The following NOL4 variants were observed in gnomAD, a reference collection of about 807,000 sequenced individuals.
NOL4 encodes cancer/testis antigen 125.
Under a neutral mutation model 75.9 loss-of-function variants are expected in NOL4, and 17 were observed. The ratio of observed to expected loss-of-function variants is 0.22; its 90% CI spans 0.15 to 0.34. The LOEUF (loss-of-function observed/expected upper bound fraction) is 0.34, where lower values mean the gene tolerates loss of function less well. Among genes scored for constraint, NOL4 ranks in the 10% least tolerant of loss-of-function variants. The pLI is 1.00. For missense variants in NOL4, 614 were observed against 793.5 expected (o/e 0.77, Z 2.72); for synonymous variants, 292 against 289.9 (o/e 1.01, Z -0.07).
At chr18:33,916,807 CT>C (rs1394371909) in intron 9 of NOL4, among the ~76,000 whole-genome samples, 1 of 152,108 alleles carries the variant, frequency 6.6e-6, no homozygotes, top group African/African-American at 2.4e-5. Context: ...AACATTCAAA[CT>C]TGTTTTTTAA....
At chr18:33,909,206 C>A (rs1272267655) in intron 9 of NOL4, among the ~76,000 whole-genome samples, 1 of 152,012 alleles carries the variant, frequency 6.6e-6, no homozygotes, top group African/African-American at 2.4e-5. Context: ...ATATATTACT[C>A]CACCTCATGT....
intron 9 of NOL4, among the ~76,000 whole-genome samples, chr18:33,906,552 G>A (rs1342052616): frequency 6.6e-6 from 1 of 152,192 alleles, no homozygotes; most frequent in African/African-American, 2.4e-5. Flanking sequence ...ACTAGGCCAT[G>A]TAAAATGACC....
At chr18:34,122,722 C>T (rs933350728) in intron 2 of NOL4, among the ~76,000 whole-genome samples, 1 of 152,268 alleles carries the variant, frequency 6.6e-6, no homozygotes, top group African/African-American at 2.4e-5. Flanking sequence ...TCTCCCATGT[C>T]TTACATCTCC....
chr18:33,909,152 T>C (rs1470635539), intron 9 of NOL4, among the ~76,000 whole-genome samples: 1 of 152,154 alleles, frequency 6.6e-6, no homozygotes, highest in Non-Finnish European at 1.5e-5. Context: ...TTAACACTAC[T>C]TGGATTTGGA....
rs1261546835 is a variant in NOL4 at position 34,203,717 on chromosome 18, T to TCTCTCTCACACACA, written c.264+19272_264+19273insTGTGTGTGAGAGAG. ...CTCTCTCTCTCTCTCTCTCTCTCTC[T>TCTCTCTCACACACA]CACACACACACACACACACACACAC... On this transcript the variant is annotated intron_variant, in intron 1 of 10. Coordinates refer to ENST00000261592, the MANE Select transcript of NOL4 (RefSeq NM_003787.5). Among the ~76,000 whole-genome samples the TCTCTCTCACACACA allele has an allele frequency of 6.8e-3, 492 of 72,256 alleles. 6 individuals are homozygous for TCTCTCTCACACACA. Among genetic ancestry groups the TCTCTCTCACACACA allele is most frequent in the East Asian group, 0.016 (31 of 1,984 alleles). 47.4% of individuals were successfully genotyped at this position (72,256 alleles called of 152,430 possible).
chr18:34,170,061 A>G (rs781697371), intron 1 of NOL4, among the ~76,000 whole-genome samples: 2 of 152,206 alleles, frequency 1.3e-5, no homozygotes, highest in Non-Finnish European at 2.9e-5. Flanking sequence ...TTTTAGTTAA[A>G]TATCTCAAGG....
At chr18:34,222,102 A>T (rs1311760042) in intron 1 of NOL4, 1 of 1,534,390 alleles carries the variant, frequency 6.5e-7, no homozygotes, top group African/African-American at 1.4e-5. Context: ...TGTGAAGAAA[A>T]TCGACGCTGC....
At chr18:34,191,125 T>C (rs2034882728) in intron 1 of NOL4, among the ~76,000 whole-genome samples, 1 of 152,130 alleles carries the variant, frequency 6.6e-6, no homozygotes, top group Non-Finnish European at 1.5e-5. Flanking sequence ...GATTACACAA[T>C]TTCAGGTCGT....
In NOL4 at chr18:33,877,662, C is replaced by T. The variant is rs535347048; in HGVS notation, c.1723+5582G>A. On this transcript the variant is annotated intron_variant, in intron 10 of 10. Coordinates refer to ENST00000261592, the MANE Select transcript of NOL4 (RefSeq NM_003787.5). ...GGGAGAAACATACAGAAAAAATAGA[C>T]CTCAACATAGTACTACAGCATGTAT... 5.9e-5 allele frequency among the ~76,000 whole-genome samples: 9 copies of T among 152,048 alleles called. No homozygotes were observed. The East Asian group carries it at 9.7e-4, about 16-fold the overall frequency.
In NOL4 at chr18:34,032,612, T is replaced by A. The variant is rs558336648; in HGVS notation, c.773-13011A>T. 2.6e-5 allele frequency among the ~76,000 whole-genome samples: 4 copies of A among 152,178 alleles called. No individual in the cohort carries two copies. The South Asian group carries it at 8.3e-4, about 32-fold the overall frequency. ...GCTCATCACAGTCCCACTGCCAATA[T>A]AAGCACTCACCACGTGGGATCCAGA... On this transcript the variant is annotated intron_variant, in intron 5 of 10. Transcript: ENST00000261592.
At chr18:33,944,552 A>G (rs2068713711) in intron 8 of NOL4, among the ~76,000 whole-genome samples, 1 of 151,888 alleles carries the variant, frequency 6.6e-6, no homozygotes, top group Non-Finnish European at 1.5e-5. Flanking sequence ...GGTATAGGGT[A>G]CATACTCTTC....
intron 9 of NOL4, among the ~76,000 whole-genome samples, chr18:33,924,417 C>T (rs781676185): frequency 2.0e-5 from 3 of 152,078 alleles, no homozygotes; most frequent in Non-Finnish European, 2.9e-5. Flanking sequence ...TTTTAAACTA[C>T]GGCATTAATC....
chr18:34,086,802 A>G (rs1165902251), intron 5 of NOL4, among the ~76,000 whole-genome samples: 1 of 152,104 alleles, frequency 6.6e-6, no homozygotes, highest in Non-Finnish European at 1.5e-5. Flanking sequence ...GTTCATATAC[A>G]TAAGACTGAA....
chr18:34,194,038 A>T (rs9947458), intron 1 of NOL4, among the ~76,000 whole-genome samples: 76,086 of 151,824 alleles, frequency 0.5, 19,135 homozygotes, highest in Admixed American at 0.57. Flanking sequence ...TAAACAGAAG[A>T]AGAGAATAGA....
Position 33,898,784 on chromosome 18 carries a change from A to T in NOL4, c.1543-15360T>A, listed in dbSNP as rs565469250. On this transcript the variant is annotated intron_variant, in intron 9 of 10. Coordinates refer to ENST00000261592, the MANE Select transcript of NOL4 (RefSeq NM_003787.5). ...TGATTGATCTTTAAAAACTTTTGAGACTTCTTTTTTTCCTGGAGAACAAAA... is the reference window on the plus strand; with the variant it reads ...TGATTGATCTTTAAAAACTTTTGAGTCTTCTTTTTTTCCTGGAGAACAAAA... Among the ~76,000 whole-genome samples the T allele has an allele frequency of 4.7e-4, 72 of 152,188 alleles. No homozygotes were observed. In the South Asian group the frequency reaches 0.014, roughly 29 times the overall value.
chr18:34,076,579 A>T (rs1449633712), intron 5 of NOL4, among the ~76,000 whole-genome samples: 7 of 152,130 alleles, frequency 4.6e-5, no homozygotes, highest in Admixed American at 4.6e-4. Flanking sequence ...AGACCCTCAG[A>T]CTGGAGGGTG....
chr18:33,857,227 C>T (rs955783211), intron 10 of NOL4, among the ~76,000 whole-genome samples: 2 of 152,004 alleles, frequency 1.3e-5, no homozygotes, highest in African/African-American at 4.8e-5. Context: ...TAAGAATTTA[C>T]TTTGCGTTTG....
intron 1 of NOL4, among the ~76,000 whole-genome samples, chr18:34,138,111 T>C (rs1000958558): frequency 6.6e-6 from 1 of 152,014 alleles, no homozygotes; most frequent in Non-Finnish European, 1.5e-5. Flanking sequence ...AATAGGCAAA[T>C]GTATATAGAT....
chr18:34,099,900 A>G (rs914079328), intron 4 of NOL4, among the ~76,000 whole-genome samples: 7 of 152,114 alleles, frequency 4.6e-5, no homozygotes, highest in African/African-American at 1.7e-4. Context: ...AGAGATGAGC[A>G]ATTATTTAAA....
Sources: allele counts gnomAD v4.1 joint callset (sites outside exome capture counted in the v4.1 genomes callset), GRCh38; gene constraint gnomAD v4.1.1; transcripts MANE v1.5; gene names NCBI Gene and HGNC (gene_info 2026-07-23, HGNC 2026-07-21).